SI: variants seen among roughly 807,000 people sequenced by gnomAD.
SI encodes sucrase-isomaltase, intestinal.
In SI, 235 loss-of-function variants were observed where a neutral mutation model predicts 253.3. That is an observed-to-expected ratio of 0.93 (90% CI 0.83 to 1.03). SI has a LOEUF of 1.03. SI is among the 50% of genes least tolerant of loss of function. SI has a pLI of 0.00. For synonymous variants in SI, 819 were observed against 712.0 expected, an observed-to-expected ratio of 1.15 and a Z score of -2.39; for missense variants, 2,442 against 2,211.1, an observed-to-expected ratio of 1.10 and a Z score of -2.09.
chr3:165,021,782 G>C (rs1364175222), intron 26 of SI, among the ~76,000 whole-genome samples: 1 of 151,332 alleles, frequency 6.6e-6, no homozygotes, highest in Non-Finnish European at 1.5e-5. Context: ...ATGTTTATTT[G>C]TGTTTTTATT....
intron 24 of SI, among the ~76,000 whole-genome samples, chr3:165,032,023 A>G (rs1043748726): frequency 1.3e-5 from 2 of 151,260 alleles, no homozygotes; most frequent in Non-Finnish European, 3.0e-5. Flanking sequence ...AAGGCTTTCT[A>G]CAGGAGAAGA....
At chr3:165,001,221 A>T (rs958832869) in intron 37 of SI, among the ~76,000 whole-genome samples, 12 of 151,408 alleles carry the variant, frequency 7.9e-5, no homozygotes, top group Middle Eastern at 3.4e-3. Flanking sequence ...TGTTCTCATG[A>T]TTGGATGGTG....
chr3:165,072,887 C>G (rs779951246), intron 3 of SI, among the ~76,000 whole-genome samples: 14 of 152,060 alleles, frequency 9.2e-5, no homozygotes, highest in Non-Finnish European at 1.3e-4. Context: ...AGAAAACACT[C>G]AAATTCTTTT....
Position 165,041,011 on chromosome 3 carries a change from T to C in SI, c.2088A>G (p.Leu696=). Reference sequence around the variant, plus strand: ...TATAAAACAGAGTGTAGAGGAAGGGTAATAAGGTGTAGCGAATAGTTAAAT... The same window carrying C: ...TATAAAACAGAGTGTAGAGGAAGGGCAATAAGGTGTAGCGAATAGTTAAAT... The part of the protein sequence containing the change: ...RQYLTIRYTL[L]PFLYTLFYKA... The change falls in exon 18 of 48, where the codon TTA becomes TTG. Residue 696 remains leucine, a synonymous_variant. Transcript: ENST00000264382. 6.2e-7 allele frequency: 1 copy of C among 1,612,430 alleles called. No homozygotes were observed. Among genetic ancestry groups the C allele is most frequent in the Non-Finnish European group, 8.5e-7 (1 of 1,178,946 alleles).
At chr3:165,039,745 C>T in intron 19 of SI, 142 bp downstream of exon 19, 2 of 668,158 alleles carry the variant, frequency 3.0e-6, no homozygotes, top group Admixed American at 2.4e-5. Context: ...AAATTTGTGT[C>T]ACATCGTAGA....
intron 20 of SI, among the ~76,000 whole-genome samples, chr3:165,038,697 A>G (rs1712665902): frequency 6.6e-6 from 1 of 152,062 alleles, no homozygotes; most frequent in Non-Finnish European, 1.5e-5. Flanking sequence ...CCATATAAAA[A>G]CAAATATATA....
At chr3:165,004,544 T>A (rs1363673301) in intron 37 of SI, among the ~76,000 whole-genome samples, 1 of 152,172 alleles carries the variant, frequency 6.6e-6, no homozygotes, top group East Asian at 1.9e-4. Context: ...GCACCTTTAG[T>A]GTCCATCAAC....
chr3:165,022,617 A>G (rs1312851706), intron 26 of SI, among the ~76,000 whole-genome samples: 1 of 151,256 alleles, frequency 6.6e-6, no homozygotes, highest in Admixed American at 6.6e-5. Flanking sequence ...ACACACACAC[A>G]CACACAAAAT....
At chr3:165,036,753 A>T (rs1712555534) in intron 21 of SI, among the ~76,000 whole-genome samples, 1 of 151,886 alleles carries the variant, frequency 6.6e-6, no homozygotes, top group Non-Finnish European at 1.5e-5. Flanking sequence ...TACTTGCAAA[A>T]TTGAAATAAT....
intron 22 of SI, among the ~76,000 whole-genome samples, chr3:165,035,451 T>C (rs928071146): frequency 6.6e-6 from 1 of 151,838 alleles, no homozygotes; most frequent in Non-Finnish European, 1.5e-5. Context: ...AAATGAATGT[T>C]AACTGAGGGT....
At chr3:164,989,433 AAAGG>A (rs1422779752) in intron 44 of SI, among the ~76,000 whole-genome samples, 5 of 132,786 alleles carry the variant, frequency 3.8e-5, no homozygotes, top group East Asian at 2.1e-4. Context: ...AGAAAGAAAG[AAAGG>A]AAAGAAAGAA....
chr3:164,997,312 T>C (rs1718056503), intron 38 of SI, among the ~76,000 whole-genome samples: 1 of 151,790 alleles, frequency 6.6e-6, no homozygotes, highest in Admixed American at 6.6e-5. Context: ...TATTTATCAA[T>C]GGTGAACAAA....
At chr3:165,013,187 T>C in intron 33 of SI, 145 bp from the exon 34 acceptor site, 1 of 709,866 alleles carries the variant, frequency 1.4e-6, no homozygotes, top group East Asian at 2.6e-5. Context: ...CTCATTATTA[T>C]TGACACACAT....
intron 16 of SI, among the ~76,000 whole-genome samples, chr3:165,046,394 T>A (rs1225653466): frequency 1.0e-5 from 1 of 97,556 alleles, no homozygotes; most frequent in African/African-American, 3.2e-5. Context: ...CTTTTGAAAT[T>A]TTAAACGTTT....
rs1484480404 is a variant in SI, at chr3:165,075,832, A to AT, written c.118+62dup. The AT allele has an allele frequency of 9.3e-6, 9 of 971,798 alleles. No homozygotes were observed. The East Asian group carries it at 2.2e-4, about 23-fold the overall frequency. The allele number at this position is 971,798 out of a possible 1,614,324, so 60.2% of individuals were successfully genotyped here. On this transcript the variant is annotated intron_variant, in intron 2 of 47. Transcript: ENST00000264382. ...AGATTATTTTTTAAAACCTATAACTATTGTGGAGTAACTTCCTCCTAACTT... is the reference window on the plus strand; with the variant it reads ...AGATTATTTTTTAAAACCTATAACTATTTGTGGAGTAACTTCCTCCTAACTT...
chr3:165,034,256 C>T (rs541552334), intron 22 of SI, among the ~76,000 whole-genome samples: 26 of 151,990 alleles, frequency 1.7e-4, no homozygotes, highest in Admixed American at 7.2e-4. Context: ...CACATAGCTA[C>T]ATAGGTATCA....
In SI at chr3:165,055,400, A is replaced by T. The variant is rs1713646657; in HGVS notation, c.1399-93T>A. ...AATAAAGTTGAGAATAGTAAAAAAAAATAAAGTTATTCTACTTCTTTAGGT... is the reference window on the plus strand; with the variant it reads ...AATAAAGTTGAGAATAGTAAAAAAATATAAAGTTATTCTACTTCTTTAGGT... On this transcript the variant is annotated intron_variant, in intron 12 of 47. Transcript: ENST00000264382. 4 of 738,216 alleles carry T rather than the reference A, an allele frequency of 5.4e-6. No individual in the cohort carries two copies. The East Asian group carries it at 1.1e-4, about 20-fold the overall frequency. 45.7% of individuals were successfully genotyped at this position (738,216 alleles called of 1,614,324 possible).
At position 165,013,080 on chromosome 3, in the gene SI, TAGTC is replaced by T. The variant is rs775507442; in HGVS notation, c.4000-42_4000-39del. On this transcript the variant is annotated intron_variant, in intron 33 of 47. Coordinates refer to ENST00000264382, the MANE Select transcript of SI (RefSeq NM_001041.4). ...AGACATGGAAAAGCTGATCAAAACA[TAGTC>T]AGCATGATATGATTGCTATGTAGAT... 5 of 1,301,864 alleles carry T rather than the reference TAGTC, an allele frequency of 3.8e-6. No individual in the cohort carries two copies. The South Asian group carries it at 4.7e-5, about 12-fold the overall frequency. 80.6% of individuals were successfully genotyped at this position (1,301,864 alleles called of 1,614,324 possible). A position where few individuals can be genotyped will look rare whatever the true frequency, so the allele number is the denominator to read the frequency against.
rs377168819 is a variant in SI, at chr3:164,996,525, A to C, written c.4692+10T>G. 19 of 1,319,576 alleles carry C rather than the reference A, an allele frequency of 1.4e-5. No homozygotes were observed. The highest frequency in any genetic ancestry group is 3.7e-4 in the Middle Eastern group (2 of 5,470). 81.7% of individuals were successfully genotyped at this position (1,319,576 alleles called of 1,614,324 possible). A position where few individuals can be genotyped will look rare whatever the true frequency, so the allele number is the denominator to read the frequency against. On this transcript the variant is annotated intron_variant, in intron 40 of 47. Coordinates refer to ENST00000264382, the MANE Select transcript of SI (RefSeq NM_001041.4). ...AGAAAATACTGAAAGTAAATGTAGTAATTACATACTCTAGTATTTGCAATG... is the reference window on the plus strand; with the variant it reads ...AGAAAATACTGAAAGTAAATGTAGTCATTACATACTCTAGTATTTGCAATG...
Sources: gnomAD v4.1 joint callset for allele counts (sites outside exome capture counted in the v4.1 genomes callset) on GRCh38, gnomAD v4.1.1 for gene constraint, MANE v1.5 for transcripts, NCBI Gene and HGNC (gene_info 2026-07-23, HGNC 2026-07-21) for gene names.